The following SYT8 variants were observed in gnomAD, a reference collection of about 807,000 sequenced individuals.
SYT8 encodes the protein synaptotagmin 8.
SYT8 carries 50 observed loss-of-function variants against 34.9 expected under a neutral mutation model. That is an observed-to-expected ratio of 1.43 (90% CI 1.14 to 1.81). SYT8 has a LOEUF of 1.81. SYT8 is among the 40% of genes most tolerant of loss of function. SYT8 has a pLI of 0.00. For synonymous variants in SYT8, 255 were observed against 234.2 expected (o/e 1.09, Z -0.81); for missense variants, 595 against 529.0 (o/e 1.12, Z -1.22).
rs971421925 is a variant in SYT8, at chr11:1,834,994, C to A, written c.-112C>A. ...GTGCTGCCTCCTTGCCCTGGCAGACCCAGCACTGGCTGCTGCTAGTCAGAT... is the reference window on the plus strand; with the variant it reads ...GTGCTGCCTCCTTGCCCTGGCAGACACAGCACTGGCTGCTGCTAGTCAGAT... On this transcript the variant is annotated 5_prime_UTR_variant, in exon 1 of 8. Coordinates refer to ENST00000341958, the MANE Select transcript of SYT8 (RefSeq NM_001394072.1). This position sits in a 1 kb window ranked among gnomAD's most constrained non-coding sequence, Gnocchi z 4.5. 8 of 1,145,084 alleles carry A rather than the reference C, an allele frequency of 7.0e-6. No homozygotes were observed. Among genetic ancestry groups the A allele is most frequent in the Admixed American group, 1.9e-5 (1 of 52,278 alleles). The allele number at this position is 1,145,084 out of a possible 1,614,324, so 70.9% of individuals were successfully genotyped here.
At chr11:1,835,841 G>C in intron 2 of SYT8, 45 bp from the exon 3 acceptor site, 1 of 1,531,472 alleles carries the variant, frequency 6.5e-7, no homozygotes, top group Non-Finnish European at 9.0e-7. Flanking sequence ...GCTCTGATGA[G>C]GCATGATGTC....
Sources: gnomAD v4.1 joint callset for allele counts on GRCh38, gnomAD v4.1.1 for gene constraint, Gnocchi (gnomAD v3.1) non-coding constraint, MANE v1.5 for transcripts, NCBI Gene and HGNC (gene_info 2026-07-23, HGNC 2026-07-21) for gene names.